NEDD1: variants seen among roughly 807,000 people sequenced by gnomAD.
NEDD1 encodes the protein NEDD1 gamma-tubulin ring complex targeting factor.
NEDD1 carries 33 observed loss-of-function variants against 74.0 expected under a neutral mutation model. The ratio of observed to expected loss-of-function variants is 0.45; its 90% confidence interval spans 0.34 to 0.60. The LOEUF (loss-of-function observed/expected upper bound fraction) is 0.60, where lower values mean the gene tolerates loss of function less well. Ranked by LOEUF, NEDD1 falls within the 20% of genes least tolerant of loss-of-function variation. The pLI is 0.01. For synonymous variants in NEDD1, 250 were observed against 264.4 expected (o/e 0.95, Z 0.53); for missense variants, 746 against 776.5 (o/e 0.96, Z 0.47).
intron 6 of NEDD1, among the ~76,000 whole-genome samples, chr12:96,924,140 C>T (rs1565793499): frequency 6.6e-6 from 1 of 152,230 alleles, no homozygotes; most frequent in African/African-American, 2.4e-5. Context: ...CCTATCCCCA[C>T]TGAATTACAT....
At chr12:96,931,619 T>A (rs1876476268) in intron 6 of NEDD1, among the ~76,000 whole-genome samples, 1 of 152,164 alleles carries the variant, frequency 6.6e-6, no homozygotes, top group Admixed American at 6.5e-5. Flanking sequence ...AGGATAGTAA[T>A]CAGAGTACTT....
chr12:96,937,235 C>G lies in NEDD1; in HGVS notation c.959C>G (p.Thr320Arg). ...LNKGCSNKPT[T>R]VNKRSVNVNA... ...AAAGGCTGTTCAAATAAGCCCACAACAGTGAACAAACGAAGTGTTAATGTG... is the reference window on the plus strand; with the variant it reads ...AAAGGCTGTTCAAATAAGCCCACAAGAGTGAACAAACGAAGTGTTAATGTG... The change falls in exon 9 of 16, where the codon ACA becomes AGA. Residue 320 changes from threonine to arginine, a missense_variant. Physicochemically the swap from Thr to Arg is moderately conservative, Grantham distance 71. Transcript: ENST00000266742. The G allele has an allele frequency of 1.2e-6, 2 of 1,610,854 alleles. No individual in the cohort carries two copies. The highest frequency in any genetic ancestry group is 2.2e-5 in the South Asian group (2 of 90,768).
At chr12:96,924,764 G>T (rs1875509621) in intron 6 of NEDD1, 1 of 423,450 alleles carries the variant, frequency 2.4e-6, no homozygotes, top group Admixed American at 2.8e-5. Flanking sequence ...ATCTGTGAAT[G>T]ATAAGTTTTT....
intron 4 of NEDD1, 99 bp from the exon 5 acceptor site, chr12:96,917,522 C>T (rs1172873344): frequency 1.5e-6 from 2 of 1,294,136 alleles, no homozygotes; most frequent in African/African-American, 3.1e-5. Flanking sequence ...TTTAATTTAA[C>T]CAATATTTAT....
chr12:96,941,648 G>A (rs1877673901), intron 10 of NEDD1, among the ~76,000 whole-genome samples: 1 of 152,050 alleles, frequency 6.6e-6, no homozygotes, highest in Admixed American at 6.6e-5. Flanking sequence ...TCCTCTGGAG[G>A]AACTTTTGCA....
In NEDD1 at chr12:96,907,744, A is replaced by G; in HGVS notation, c.-121A>G. 1 of 1,543,866 alleles carries G rather than the reference A, an allele frequency of 6.5e-7. No homozygotes were observed. On this transcript the variant is annotated 5_prime_UTR_variant, in exon 2 of 16. Coordinates refer to ENST00000266742, the MANE Select transcript of NEDD1 (RefSeq NM_152905.4). ...ATTGGTTCCTGTAGCCGCTGTCCCT[A>G]AACCCAGGCCGACGTTACCGCCTTG...
intron 3 of NEDD1, 76 bp from the exon 4 acceptor site, chr12:96,912,647 A>G: frequency 5.4e-6 from 4 of 739,996 alleles, no homozygotes; most frequent in South Asian, 5.0e-5. Flanking sequence ...GTTAGCTTTT[A>G]TAATCGCAAT....
intron 7 of NEDD1, among the ~76,000 whole-genome samples, 164 bp from the exon 8 acceptor site, chr12:96,936,447 A>C (rs910244943): frequency 6.6e-6 from 1 of 152,222 alleles, no homozygotes; most frequent in Non-Finnish European, 1.5e-5. Flanking sequence ...AATGTCTCTA[A>C]GTCAAATTCT....
chr12:96,911,323 A>G (rs1873895569), intron 3 of NEDD1, among the ~76,000 whole-genome samples: 1 of 152,236 alleles, frequency 6.6e-6, no homozygotes, highest in African/African-American at 2.4e-5. Flanking sequence ...GTGCTACTTA[A>G]TAGTCTAACA....
At position 96,907,318 on chromosome 12, in the gene NEDD1, C is replaced by T. The variant is rs1018274572; in HGVS notation, c.-262+18C>T. 8.3e-6 allele frequency: 3 copies of T among 359,470 alleles called. No homozygotes were observed. The highest frequency in any genetic ancestry group is 9.9e-5 in the Admixed American group (2 of 20,266). 22.3% of individuals were successfully genotyped at this position (359,470 alleles called of 1,614,324 possible). ...GCGGAGAGGTGAGGTTCCGGAGGCCCTGAGGTCAGCGGGCCCCCGCCCGCC... is the reference window on the plus strand; with the variant it reads ...GCGGAGAGGTGAGGTTCCGGAGGCCTTGAGGTCAGCGGGCCCCCGCCCGCC... On this transcript the variant is annotated intron_variant, in intron 1 of 15. Coordinates refer to ENST00000266742, the MANE Select transcript of NEDD1 (RefSeq NM_152905.4).
intron 14 of NEDD1, among the ~76,000 whole-genome samples, chr12:96,949,033 C>T (rs1183108481): frequency 6.6e-6 from 1 of 152,140 alleles, no homozygotes; most frequent in Non-Finnish European, 1.5e-5. Flanking sequence ...GACCTTGGCT[C>T]TTACAGCCTT....
At chr12:96,945,878 C>T in intron 14 of NEDD1, 29 bp downstream of exon 14, 1 of 1,423,406 alleles carries the variant, frequency 7.0e-7, no homozygotes, top group South Asian at 1.3e-5. Flanking sequence ...CTCCTTCTAT[C>T]TAGACCTTAC....
At chr12:96,917,813 T>C in intron 5 of NEDD1, 76 bp downstream of exon 5, 1 of 1,427,964 alleles carries the variant, frequency 7.0e-7, no homozygotes, top group Non-Finnish European at 9.3e-7. Context: ...AGCTTTTATT[T>C]TTGAGCTTTT....
chr12:96,944,242 C>T (rs1174565418), intron 12 of NEDD1, among the ~76,000 whole-genome samples: 1 of 151,876 alleles, frequency 6.6e-6, no homozygotes, highest in Non-Finnish European at 1.5e-5. Context: ...TCTGTATTTT[C>T]GTATTTATTG....
At chr12:96,921,662 A>ATTTTT (rs57918937) in intron 6 of NEDD1, among the ~76,000 whole-genome samples, 1 of 149,264 alleles carries the variant, frequency 6.7e-6, no homozygotes, top group Non-Finnish European at 1.5e-5. Context: ...TAGAAGAGGG[A>ATTTTT]TTTTTTTTTT....
intron 6 of NEDD1, among the ~76,000 whole-genome samples, chr12:96,928,561 G>GT (rs982069775): frequency 6.7e-6 from 1 of 149,290 alleles, no homozygotes; most frequent in Non-Finnish European, 1.5e-5. Context: ...TAAGTCACTA[G>GT]TTTTTTATTC....
In NEDD1 at chr12:96,907,874, C is replaced by T. The variant is rs1364839774; in HGVS notation, c.-9+18C>T. ...AGACCGAGGTAGGTGGGCAGATGGT[C>T]CTCTTCCCCGCCCCGCTTTAAGAGC... On this transcript the variant is annotated intron_variant, in intron 2 of 15. Coordinates refer to ENST00000266742, the MANE Select transcript of NEDD1 (RefSeq NM_152905.4). 1 of 1,340,774 alleles carries T rather than the reference C, an allele frequency of 7.5e-7. No homozygotes were observed. The highest frequency in any genetic ancestry group is 1.9e-5 in the South Asian group (1 of 51,842). 83.1% of individuals were successfully genotyped at this position (1,340,774 alleles called of 1,614,324 possible).
intron 14 of NEDD1, 35 bp downstream of exon 14, chr12:96,945,884 C>T (rs1247346948): frequency 1.6e-5 from 22 of 1,400,790 alleles, no homozygotes; most frequent in East Asian, 2.3e-5. Context: ...CTATCTAGAC[C>T]TTACTTGTTT....
intron 5 of NEDD1, among the ~76,000 whole-genome samples, 171 bp downstream of exon 5, chr12:96,917,908 G>A (rs905779490): frequency 4.6e-5 from 7 of 152,070 alleles, no homozygotes; most frequent in African/African-American, 1.2e-4. Context: ...TTATTTTTAT[G>A]TCTTTTTTCT....
Sources: gnomAD v4.1 joint callset for allele counts (sites outside exome capture counted in the v4.1 genomes callset) on GRCh38, gnomAD v4.1.1 for gene constraint, MANE v1.5 for transcripts, NCBI Gene and HGNC (gene_info 2026-07-23, HGNC 2026-07-21) for gene names.